Variants in LTBP4 observed in about 807,000 individuals in gnomAD.
The protein encoded by LTBP4 is latent transforming growth factor beta binding protein 4.
Under a neutral mutation model 180.2 loss-of-function variants are expected in LTBP4, and 93 were observed. The observed-to-expected ratio is 0.52, with a 90% CI of 0.44 to 0.61. The LOEUF (loss-of-function observed/expected upper bound fraction) is 0.61. LTBP4 is among the 20% of genes least tolerant of loss of function. LTBP4 has a pLI of 0.00. For missense variants in LTBP4, 2,116 were observed against 2,256.5 expected, an observed-to-expected ratio of 0.94 and a Z score of 1.26; for synonymous variants, 947 against 934.5, an observed-to-expected ratio of 1.01 and a Z score of -0.24.
Position 40,610,594 on chromosome 19 carries a change from G to A in LTBP4, c.1747G>A (p.Gly583Ser). 1 of 1,590,522 alleles carries A rather than the reference G, an allele frequency of 6.3e-7. No individual in the cohort carries two copies. The highest frequency in any genetic ancestry group is 8.5e-7 in the Non-Finnish European group (1 of 1,175,046). The change falls in exon 12 of 30, where the codon GGC (glycine) becomes AGC (serine). Residue 583 changes from glycine (G) to serine (S), a missense_variant. By Grantham distance (56) the Gly-to-Ser change is moderately conservative. Transcript: ENST00000396819. ...CDLGRCENTP[G>S]SFLCVCPAGY... Reference sequence around the variant, plus strand: ...CCTCGGGCGCTGCGAGAACACGCCAGGCAGCTTCCTGTGCGTGTGCCCCGC... The same window carrying A: ...CCTCGGGCGCTGCGAGAACACGCCAAGCAGCTTCCTGTGCGTGTGCCCCGC...
intron 1 of LTBP4, among the ~76,000 whole-genome samples, chr19:40,595,677 C>A (rs1599854305): frequency 6.6e-6 from 1 of 152,004 alleles, no homozygotes; most frequent in East Asian, 1.9e-4. Flanking sequence ...GTGGTGGAGA[C>A]TCTTAGGCAA....
At chr19:40,599,994 C>G, upstream of LTBP4, 1 of 763,800 alleles carries the variant, frequency 1.3e-6, no homozygotes, top group East Asian at 3.4e-5. Flanking sequence ...AGACATTTTC[C>G]TGGCATGGAG....
In LTBP4 at chr19:40,625,296, ATATATATATATATATATATATT is replaced by A. The variant is rs2081623036; in HGVS notation, c.3833-559_3833-538del. 7.3e-4 allele frequency among the ~76,000 whole-genome samples: 7 copies of A among 9,630 alleles called. 1 individual carries two copies. The highest frequency in any genetic ancestry group is 9.5e-3 in the South Asian group (2 of 210). The allele number at this position is 9,630 out of a possible 152,430, so 6.3% of individuals were successfully genotyped here. On this transcript the variant is annotated intron_variant, in intron 26 of 29. Transcript: ENST00000396819. ...TATATATATATATATATATATATATATATATATATATATATATATATTTTTTTTTTTAAAGATGGGTTTTTGC... is the reference window on the plus strand; with the variant it reads ...TATATATATATATATATATATATATATTTTTTTTTAAAGATGGGTTTTTGC...
chr19:40,611,397 G>A lies in LTBP4; in HGVS notation c.2053+3G>A, dbSNP rs770754203. 5 of 1,602,486 alleles carry A rather than the reference G, an allele frequency of 3.1e-6. No individual in the cohort carries two copies. Among genetic ancestry groups the A allele is most frequent in the Non-Finnish European group, 4.2e-6 (5 of 1,177,034 alleles). ...AGGGCCCGGGGCCCCCTGCCAAGGT[G>A]AGGGTGCTGAGCCCAGCCCTACTCC... On this transcript the variant is annotated splice_donor_region_variant and intron_variant, in intron 13 of 29. Transcript: ENST00000396819. This position sits in a 1 kb window ranked among gnomAD's most constrained non-coding sequence, Gnocchi z 4.4.
chr19:40,593,908 C>T (rs1428664016), intron 1 of LTBP4, among the ~76,000 whole-genome samples: 1 of 152,086 alleles, frequency 6.6e-6, no homozygotes, highest in African/African-American at 2.4e-5. Context: ...ATCCTCCCAC[C>T]TTAGCCTCTT....
rs746181748 is a variant in LTBP4 at position 40,614,454 on chromosome 19, T to G, written c.2812+8T>G. On this transcript the variant is annotated splice_region_variant and intron_variant, in intron 19 of 29. Coordinates refer to ENST00000396819, the MANE Select transcript of LTBP4 (RefSeq NM_001042545.2). ...CCGAGGGCACCTGTGACGGTGAGCCTGCCCCCACCCGCCTTCGCTAGCGCT... is the reference window on the plus strand; with the variant it reads ...CCGAGGGCACCTGTGACGGTGAGCCGGCCCCCACCCGCCTTCGCTAGCGCT... 1 of 1,597,124 alleles carries G rather than the reference T, an allele frequency of 6.3e-7. No individual in the cohort carries two copies. Among genetic ancestry groups the G allele is most frequent in the Non-Finnish European group, 8.5e-7 (1 of 1,178,982 alleles).
At chr19:40,614,816 C>G (rs977174615) in intron 19 of LTBP4, among the ~76,000 whole-genome samples, 1 of 152,106 alleles carries the variant, frequency 6.6e-6, no homozygotes, top group African/African-American at 2.4e-5. Context: ...TTTGGACGTG[C>G]CCTTTCCGCG....
In LTBP4 at chr19:40,613,242, G is replaced by A. The variant is rs2081520840; in HGVS notation, c.2431+46G>A. ...CCAGAGAGTCTGGGAGTAGGGCCTG[G>A]GTTCCAGGGCAAAGCCGGCTGGAAA... On this transcript the variant is annotated intron_variant, in intron 16 of 29. Coordinates refer to ENST00000396819, the MANE Select transcript of LTBP4 (RefSeq NM_001042545.2). The surrounding 1 kb of genome is among the most constrained non-coding windows in gnomAD (Gnocchi z 5.0). The A allele has an allele frequency of 1.3e-6, 2 of 1,547,516 alleles. No individual in the cohort carries two copies. Among genetic ancestry groups the A allele is most frequent in the Non-Finnish European group, 1.7e-6 (2 of 1,143,554 alleles).
chr19:40,597,678 C>A (rs1295414651), upstream of LTBP4, among the ~76,000 whole-genome samples: 6 of 151,584 alleles, frequency 4.0e-5, no homozygotes, highest in Non-Finnish European at 8.8e-5. Context: ...GGGCTGAGCT[C>A]TCCTAGAATG....
chr19:40,594,918 G>A (rs1568398255), intron 1 of LTBP4, among the ~76,000 whole-genome samples: 1 of 151,924 alleles, frequency 6.6e-6, no homozygotes, highest in African/African-American at 2.4e-5. Context: ...ATTGGAAGAA[G>A]GAGCAGGAGT....
upstream of LTBP4, among the ~76,000 whole-genome samples, chr19:40,600,897 C>A (rs2081418697): frequency 6.6e-6 from 1 of 152,144 alleles, no homozygotes; most frequent in Non-Finnish European, 1.5e-5. This position sits in a 1 kb window ranked among gnomAD's most constrained non-coding sequence, Gnocchi z 4.4. Context: ...GGTGTAGCGA[C>A]CCTTCTCCCA....
chr19:40,609,801 C>T lies in LTBP4; in HGVS notation c.1614C>T (p.Asn538=). The T allele has an allele frequency of 6.2e-7, 1 of 1,610,850 alleles. No homozygotes were observed. The highest frequency in any genetic ancestry group is 8.5e-7 in the Non-Finnish European group (1 of 1,178,556). ...CCTGTGCTCCCGGGCGCTGCGAGAA[C>T]TCACCAGGCAGCTTCCGCTGCGTGT... ...PPPCAPGRCE[N]SPGSFRCVCG... Residue 538 remains asparagine, a synonymous_variant, in exon 11 of 30, where the codon AAC becomes AAT. Transcript: ENST00000396819. The surrounding 1 kb of genome is among the most constrained non-coding windows in gnomAD (Gnocchi z 4.9).
chr19:40,604,230 A>G (rs1377539995), intron 1 of LTBP4, among the ~76,000 whole-genome samples: 1 of 151,898 alleles, frequency 6.6e-6, no homozygotes, highest in Non-Finnish European at 1.5e-5. Flanking sequence ...CGGGGTTTAG[A>G]ATCCCGCGGG....
intron 15 of LTBP4, 80 bp from the exon 16 acceptor site, chr19:40,612,985 C>T: frequency 6.8e-7 from 1 of 1,466,096 alleles, no homozygotes; most frequent in South Asian, 1.2e-5. Flanking sequence ...CCACCACCTC[C>T]CCCAGACACC....
chr19:40,614,595 C>G lies in LTBP4; in HGVS notation c.2812+149C>G, dbSNP rs2081533626. 9 of 1,098,898 alleles carry G rather than the reference C, an allele frequency of 8.2e-6. No individual in the cohort carries two copies. The East Asian group carries it at 2.4e-4, about 29-fold the overall frequency. 68.1% of individuals were successfully genotyped at this position (1,098,898 alleles called of 1,614,324 possible). ...CCGTATCTCTGTAGTGGAAATAAGC[C>G]GCCACCGTGTCCATGTATTTTCTTG... On this transcript the variant is annotated intron_variant, in intron 19 of 29. Transcript: ENST00000396819.
chr19:40,617,203 A>G lies in LTBP4; in HGVS notation c.3048A>G (p.Ala1016=), dbSNP rs369617763. The G allele has an allele frequency of 1.2e-5, 20 of 1,613,780 alleles. No homozygotes were observed. Among genetic ancestry groups the G allele is most frequent in the Non-Finnish European group, 1.6e-5 (19 of 1,179,812 alleles). Residue 1016 remains alanine, a synonymous_variant, in exon 21 of 30, where the codon GCA becomes GCG. Coordinates refer to ENST00000396819, the MANE Select transcript of LTBP4 (RefSeq NM_001042545.2). ...TCTGTGACCAGGGTTACGAGGGGGC[A>G]CGGGATGGGCGTCACTGCGTGGGTA... ...QCLCDQGYEG[A]RDGRHCVDVN...
intron 22 of LTBP4, among the ~76,000 whole-genome samples, chr19:40,621,212 G>A (rs1416479655): frequency 4.0e-5 from 6 of 151,796 alleles, no homozygotes; most frequent in Non-Finnish European, 7.4e-5. Context: ...CAAAGTGCAG[G>A]GATTACAGGC....
At chr19:40,621,993 A>C (rs2081589137) in intron 22 of LTBP4, among the ~76,000 whole-genome samples, 1 of 152,058 alleles carries the variant, frequency 6.6e-6, no homozygotes, top group African/African-American at 2.4e-5. Flanking sequence ...AAGTAATCCA[A>C]CCGCGTCGGC....
chr19:40,596,897 C>A (rs2146009233), upstream of LTBP4, among the ~76,000 whole-genome samples: 1 of 152,158 alleles, frequency 6.6e-6, no homozygotes, highest in East Asian at 1.9e-4. Context: ...CTCCCGTATC[C>A]CTCCCATTTT....
Sources: gnomAD v4.1 joint callset for allele counts (sites outside exome capture counted in the v4.1 genomes callset) on GRCh38, gnomAD v4.1.1 for gene constraint, Gnocchi (gnomAD v3.1) non-coding constraint, MANE v1.5 for transcripts, NCBI Gene and HGNC (gene_info 2026-07-23, HGNC 2026-07-21) for gene names.